The following GRB10 variants were observed in gnomAD, a reference collection of about 807,000 sequenced individuals.
GRB10 encodes the protein growth factor receptor-bound protein 10.
A neutral mutation model predicts 80.9 loss-of-function variants in GRB10; 20 were observed. The observed-to-expected ratio is 0.25, with a 90% CI of 0.17 to 0.36. GRB10 has a LOEUF of 0.36. Ranked by LOEUF, GRB10 falls within the 10% of genes least tolerant of loss-of-function variation. The probability of loss-of-function intolerance (pLI) is 1.00; values close to 1 mark genes in which losing one functional copy is unlikely to be tolerated. For missense variants in GRB10, 548 were observed against 747.7 expected, an observed-to-expected ratio of 0.73 and a Z score of 3.12; for synonymous variants, 291 against 291.5, an observed-to-expected ratio of 1.00 and a Z score of 0.02.
chr7:50,604,951 C>T (rs746865140), intron 15 of GRB10: 11 of 332,880 alleles, frequency 3.3e-5, no homozygotes, highest in African/African-American at 1.1e-4. Flanking sequence ...CACCTGCTGG[C>T]CCCACTCAGG....
chr7:50,598,477 C>T (rs368479661), intron 17 of GRB10, among the ~76,000 whole-genome samples: 3 of 152,186 alleles, frequency 2.0e-5, no homozygotes, highest in Admixed American at 6.5e-5. Context: ...CATAAATGAA[C>T]GAAGAGCCCC....
intron 4 of GRB10, among the ~76,000 whole-genome samples, chr7:50,724,495 TGAAGAG>T (rs2068270459): frequency 6.6e-6 from 1 of 152,182 alleles, no homozygotes; most frequent in Non-Finnish European, 1.5e-5. Flanking sequence ...AGTGGGTGCA[TGAAGAG>T]ACCTTCCTTC....
chr7:50,772,562 T>C (rs1183561659), intron 2 of GRB10, among the ~76,000 whole-genome samples: 2 of 152,152 alleles, frequency 1.3e-5, no homozygotes, highest in Non-Finnish European at 2.9e-5. Flanking sequence ...TAACACAGTA[T>C]TGGAAGCTCT....
At chr7:50,711,661 C>G (rs958851079) in intron 4 of GRB10, among the ~76,000 whole-genome samples, 4 of 152,156 alleles carry the variant, frequency 2.6e-5, no homozygotes, top group Non-Finnish European at 5.9e-5. Context: ...GCCTGATACC[C>G]TCTCTACCAA....
chr7:50,774,908 T>C (rs1201664627), intron 2 of GRB10, among the ~76,000 whole-genome samples: 2 of 150,932 alleles, frequency 1.3e-5, no homozygotes, highest in Non-Finnish European at 3.0e-5. Context: ...CTGTCGGAGG[T>C]TGAGGCGGCC....
chr7:50,680,245 A>G (rs145665673), intron 5 of GRB10, among the ~76,000 whole-genome samples: 1 of 152,248 alleles, frequency 6.6e-6, no homozygotes, highest in African/African-American at 2.4e-5. Flanking sequence ...GCAAATGCAT[A>G]TAAATATCCT....
chr7:50,729,146 T>G (rs772336351), intron 4 of GRB10, among the ~76,000 whole-genome samples: 3 of 152,178 alleles, frequency 2.0e-5, no homozygotes, highest in Non-Finnish European at 2.9e-5. Flanking sequence ...TGCCATTATC[T>G]CCACCAAAAG....
intron 8 of GRB10, among the ~76,000 whole-genome samples, chr7:50,625,268 G>A (rs2052666637): frequency 6.6e-6 from 1 of 152,130 alleles, no homozygotes; most frequent in Admixed American, 6.5e-5. Flanking sequence ...AGTACTAAAT[G>A]TCCGCAGAAG....
intron 5 of GRB10, among the ~76,000 whole-genome samples, chr7:50,681,526 A>C (rs2061540262): frequency 2.0e-5 from 3 of 152,380 alleles, no homozygotes; most frequent in African/African-American, 7.2e-5. Flanking sequence ...TGTATTTTAC[A>C]AATGAGCTGC....
At chr7:50,758,490 C>T (rs1231783394) in intron 2 of GRB10, among the ~76,000 whole-genome samples, 1 of 152,200 alleles carries the variant, frequency 6.6e-6, no homozygotes, top group Non-Finnish European at 1.5e-5. Context: ...TCTTTGGTAT[C>T]TTCCAAAAAT....
Position 50,768,022 on chromosome 7 carries a change from G to A in GRB10, c.-216-11966C>T, listed in dbSNP as rs571352147. ...TCCTACACTGGGGTTCTGAGTGAGA[G>A]CTCAGCATTCTGCTTCCCAAAAATA... On this transcript the variant is annotated intron_variant, in intron 2 of 18. Coordinates refer to ENST00000401949, the MANE Select transcript of GRB10 (RefSeq NM_001350814.2). Among the ~76,000 whole-genome samples, 291 of 152,228 alleles carry A rather than the reference G, an allele frequency of 1.9e-3. 1 individual carries two copies. The highest frequency in any genetic ancestry group is 6.7e-3 in the African/African-American group (279 of 41,558).
intron 2 of GRB10, among the ~76,000 whole-genome samples, chr7:50,767,827 A>C (rs2076524894): frequency 6.6e-6 from 1 of 152,146 alleles, no homozygotes. Context: ...GACATGACCC[A>C]TCTACCACTT....
At chr7:50,653,901 G>T (rs2058319244) in intron 7 of GRB10, among the ~76,000 whole-genome samples, 1 of 152,192 alleles carries the variant, frequency 6.6e-6, no homozygotes, top group South Asian at 2.1e-4. Flanking sequence ...AACTGTAAGT[G>T]ATTACAGACA....
chr7:50,748,839 C>T (rs1484110759), intron 3 of GRB10, among the ~76,000 whole-genome samples: 1 of 152,190 alleles, frequency 6.6e-6, no homozygotes, highest in Non-Finnish European at 1.5e-5. Flanking sequence ...GTGAGACCCA[C>T]GTGTGCAAAA....
At chr7:50,741,568 A>C (rs1262250300) in intron 3 of GRB10, among the ~76,000 whole-genome samples, 2 of 151,760 alleles carry the variant, frequency 1.3e-5, no homozygotes, top group African/African-American at 4.8e-5. Flanking sequence ...AAAAAAAAAA[A>C]AAAAAAACGA....
Position 50,605,400 on chromosome 7 carries a change from C to T in GRB10, c.1279G>A (p.Val427Ile). The T allele has an allele frequency of 6.2e-7, 1 of 1,613,622 alleles. No homozygotes were observed. Among genetic ancestry groups the T allele is most frequent in the Non-Finnish European group, 8.5e-7 (1 of 1,179,462 alleles). Residue 427 changes from valine to isoleucine, a missense_variant, in exon 15 of 19, where the codon GTC becomes ATC. By Grantham distance (29) the Val-to-Ile change is conservative. This residue lies in a region of GRB10 where 270 missense variants were observed against 433.6 expected (regional missense o/e 0.62). Transcript: ENST00000401949. The part of the protein sequence containing the change: ...LSPFSTPVRS[V>I]SENSLVAMDF... ...ATTGCCACGAGGGAGTTCTCGGAGACACTGCGCTGAAAAGGAAAGGCCGCA... is the reference window on the plus strand; with the variant it reads ...ATTGCCACGAGGGAGTTCTCGGAGATACTGCGCTGAAAAGGAAAGGCCGCA...
chr7:50,667,371 T>C (rs1326201023), intron 7 of GRB10, among the ~76,000 whole-genome samples: 1 of 152,198 alleles, frequency 6.6e-6, no homozygotes, highest in African/African-American at 2.4e-5. Flanking sequence ...TTGTCAATTT[T>C]TCTACTACTT....
intron 7 of GRB10, among the ~76,000 whole-genome samples, chr7:50,660,486 C>T (rs764382605): frequency 7.2e-5 from 11 of 152,128 alleles, no homozygotes; most frequent in Admixed American, 2.6e-4. Flanking sequence ...AGCAGGGCCC[C>T]GCCTCCTCAG....
At chr7:50,696,542 G>A (rs2063445600) in intron 5 of GRB10, among the ~76,000 whole-genome samples, 1 of 152,214 alleles carries the variant, frequency 6.6e-6, no homozygotes, top group South Asian at 2.1e-4. Flanking sequence ...GCCTTTGGGA[G>A]CTCTCTACAG....
Sources: allele counts gnomAD v4.1 joint callset (sites outside exome capture counted in the v4.1 genomes callset), GRCh38; gene constraint gnomAD v4.1.1; regional missense constraint gnomAD v4.1.1; transcripts MANE v1.5; gene names NCBI Gene and HGNC (gene_info 2026-07-23, HGNC 2026-07-21).